DISC1: variants seen among roughly 807,000 people sequenced by gnomAD.
DISC1 encodes disrupted in schizophrenia 1 protein.
Under a neutral mutation model 84.5 loss-of-function variants are expected in DISC1, and 57 were observed. The ratio of observed to expected loss-of-function variants is 0.67; its 90% CI spans 0.55 to 0.84. The LOEUF is 0.84. Among genes scored for constraint, DISC1 ranks in the 40% least tolerant of loss-of-function variants. The probability of loss-of-function intolerance (pLI) is 0.00; values close to 1 mark genes in which losing one functional copy is unlikely to be tolerated. For synonymous variants in DISC1, 411 were observed against 415.2 expected (o/e 0.99, Z 0.12); for missense variants, 1,000 against 1,057.8 (o/e 0.95, Z 0.76).
rs1407723179 is a variant in DISC1 at position 231,846,569 on chromosome 1, TG to T, written c.1981+28055del. On this transcript the variant is annotated intron_variant, in intron 9 of 12. Transcript: ENST00000439617. Reference sequence around the variant, plus strand: ...ATGCCAGTGATTGTCTGATGCATCCTGGGTTTGACAAAGGCAGGTAGACACT... The same window carrying T: ...ATGCCAGTGATTGTCTGATGCATCCTGGTTTGACAAAGGCAGGTAGACACT... Among the ~76,000 whole-genome samples, 17 of 152,360 alleles carry T rather than the reference TG, an allele frequency of 1.1e-4. No homozygotes were observed. The East Asian group carries it at 3.3e-3, about 29-fold the overall frequency.
At chr1:231,891,878 G>A (rs2087256282) in intron 9 of DISC1, among the ~76,000 whole-genome samples, 1 of 152,162 alleles carries the variant, frequency 6.6e-6, no homozygotes, top group South Asian at 2.1e-4. Context: ...GCCATAACCT[G>A]CGGCCTTCCC....
chr1:231,875,326 CAT>C lies in DISC1; in HGVS notation c.1981+56810_1981+56811del, dbSNP rs2085797013. On this transcript the variant is annotated intron_variant, in intron 9 of 12. Coordinates refer to ENST00000439617, the MANE Select transcript of DISC1 (RefSeq NM_018662.3). ...GCCACCTGTCAGCTGAGTAAGGGGA[CAT>C]GAGCCACCAGCCCCCGGCCCTGGTG... Among the ~76,000 whole-genome samples, 3 of 151,060 alleles carry C rather than the reference CAT, an allele frequency of 2.0e-5. No individual in the cohort carries two copies. The South Asian group carries it at 6.3e-4, about 32-fold the overall frequency.
intron 5 of DISC1, among the ~76,000 whole-genome samples, chr1:231,767,828 C>G (rs201183033): frequency 6.6e-6 from 1 of 152,210 alleles, no homozygotes; most frequent in Non-Finnish European, 1.5e-5. Context: ...TCTTGTCTGC[C>G]AGGCCAATTT....
chr1:231,795,670 C>T (rs1336741639), intron 7 of DISC1, among the ~76,000 whole-genome samples: 2 of 152,178 alleles, frequency 1.3e-5, no homozygotes, highest in Non-Finnish European at 2.9e-5. Flanking sequence ...GGGTGGATCA[C>T]CTGAGGTCAG....
intron 11 of DISC1, among the ~76,000 whole-genome samples, chr1:232,016,088 G>A (rs1668470151): frequency 6.6e-6 from 1 of 152,166 alleles, no homozygotes. Flanking sequence ...ACTTTAGGGT[G>A]GGAAGCAAGC....
At chr1:231,665,857 A>G (rs145364766) in intron 1 of DISC1, among the ~76,000 whole-genome samples, 11 of 152,142 alleles carry the variant, frequency 7.2e-5, no homozygotes, top group African/African-American at 2.4e-4. Context: ...AGTTCTACAG[A>G]GTTTCCTCTT....
chr1:231,807,434 A>G (rs2738868), intron 8 of DISC1, among the ~76,000 whole-genome samples: 1 of 151,980 alleles, frequency 6.6e-6, no homozygotes, highest in African/African-American at 2.4e-5. Flanking sequence ...TCACCCTCCA[A>G]TTTTTTTCTT....
chr1:231,637,025 A>T (rs1389861982), intron 1 of DISC1, among the ~76,000 whole-genome samples: 1 of 152,060 alleles, frequency 6.6e-6, no homozygotes, highest in Non-Finnish European at 1.5e-5. Context: ...TCATTGTTCA[A>T]TTCCCACTTA....
At chr1:231,961,725 A>T (rs2102770262) in intron 10 of DISC1, among the ~76,000 whole-genome samples, 1 of 152,284 alleles carries the variant, frequency 6.6e-6, no homozygotes, top group South Asian at 2.1e-4. Context: ...TCTTTATATG[A>T]CTGCATAGTA....
At chr1:231,862,321 TCA>T (rs1201018522) in intron 9 of DISC1, among the ~76,000 whole-genome samples, 2 of 152,208 alleles carry the variant, frequency 1.3e-5, no homozygotes, top group Non-Finnish European at 2.9e-5. Flanking sequence ...GGTGTTCTCA[TCA>T]CTCATGGCAA....
chr1:231,652,450 AG>A (rs2125297888), intron 1 of DISC1, among the ~76,000 whole-genome samples: 1 of 152,340 alleles, frequency 6.6e-6, no homozygotes, highest in South Asian at 2.1e-4. Flanking sequence ...ACTTTCTTAA[AG>A]GAAATGGACA....
intron 1 of DISC1, among the ~76,000 whole-genome samples, chr1:231,639,664 G>A (rs145664846): frequency 6.6e-6 from 1 of 152,230 alleles, no homozygotes; most frequent in South Asian, 2.1e-4. Flanking sequence ...GTAGATCTCA[G>A]TGTCCTCCCT....
chr1:231,696,799 A>G (rs184862202), intron 2 of DISC1, among the ~76,000 whole-genome samples: 6 of 152,326 alleles, frequency 3.9e-5, no homozygotes, highest in Admixed American at 3.3e-4. Flanking sequence ...TATTCCATCT[A>G]GCCTAGGTGT....
chr1:231,858,458 C>A (rs1353669208), intron 9 of DISC1, among the ~76,000 whole-genome samples: 1 of 152,160 alleles, frequency 6.6e-6, no homozygotes, highest in Non-Finnish European at 1.5e-5. Context: ...GGAGGGAGCC[C>A]TGTTTTGAAC....
chr1:231,886,994 T>TG, intron 9 of DISC1, among the ~76,000 whole-genome samples: 1 of 151,766 alleles, frequency 6.6e-6, no homozygotes, highest in Admixed American at 6.6e-5. Context: ...CCCGAGTACC[T>TG]GGGACTATAG....
chr1:231,861,552 T>C (rs1170131784), intron 9 of DISC1, among the ~76,000 whole-genome samples: 1 of 151,720 alleles, frequency 6.6e-6, no homozygotes, highest in African/African-American at 2.4e-5. Context: ...CTAATTATTA[T>C]TTAGTTATTT....
intron 9 of DISC1, among the ~76,000 whole-genome samples, chr1:231,875,986 T>C (rs1274947372): frequency 2.0e-5 from 3 of 152,224 alleles, no homozygotes; most frequent in Non-Finnish European, 4.4e-5. Flanking sequence ...AACTAGTTTC[T>C]ATTTGGAAAT....
chr1:231,888,236 T>A (rs2086917011), intron 9 of DISC1, among the ~76,000 whole-genome samples: 1 of 151,868 alleles, frequency 6.6e-6, no homozygotes, highest in Non-Finnish European at 1.5e-5. Flanking sequence ...GATTTATGAG[T>A]CAAGAAGAGC....
chr1:231,862,281 C>T lies in DISC1; in HGVS notation c.1981+43764C>T, dbSNP rs184170494. On this transcript the variant is annotated intron_variant, in intron 9 of 12. Coordinates refer to ENST00000439617, the MANE Select transcript of DISC1 (RefSeq NM_018662.3). ...CAGCTATTATTAGGCAGAGCAGAGA[C>T]GGAATGCTGCCTCTGAGCTGAGCAT... Among the ~76,000 whole-genome samples the T allele has an allele frequency of 4.2e-4, 64 of 152,278 alleles. 2 individuals are homozygous for T. Among genetic ancestry groups the T allele is most frequent in the African/African-American group, 1.4e-3 (58 of 41,558 alleles).
Sources: allele counts gnomAD v4.1 joint callset (sites outside exome capture counted in the v4.1 genomes callset), GRCh38; gene constraint gnomAD v4.1.1; transcripts MANE v1.5; gene names NCBI Gene and HGNC (gene_info 2026-07-23, HGNC 2026-07-21).